The following BRINP1 variants were observed in gnomAD, a reference collection of about 807,000 sequenced individuals.
BRINP1 encodes the protein BMP/retinoic acid-inducible neural-specific protein 1.
BRINP1 carries 17 observed loss-of-function variants against 72.9 expected under a neutral mutation model. The ratio of observed to expected loss-of-function variants is 0.23; its 90% CI spans 0.16 to 0.35. BRINP1 has a LOEUF of 0.35. Among genes scored for constraint, BRINP1 ranks in the 10% least tolerant of loss-of-function variants. BRINP1 has a pLI of 1.00. For synonymous variants in BRINP1, 418 were observed against 378.5 expected (o/e 1.10, Z -1.21); for missense variants, 850 against 1,001.6 (o/e 0.85, Z 2.04).
intron 2 of BRINP1, among the ~76,000 whole-genome samples, chr9:119,274,632 A>C (rs1830637202): frequency 6.6e-6 from 1 of 152,190 alleles, no homozygotes; most frequent in Admixed American, 6.5e-5. Flanking sequence ...TATTTGTAGA[A>C]TGGAAATGAT....
At chr9:119,177,169 A>T (rs1404002440) in intron 7 of BRINP1, among the ~76,000 whole-genome samples, 4 of 152,196 alleles carry the variant, frequency 2.6e-5, no homozygotes, top group Non-Finnish European at 5.9e-5. Context: ...GTTTTCATTT[A>T]AAAAAGGAAA....
At chr9:119,288,044 T>C (rs1442730270) in intron 2 of BRINP1, among the ~76,000 whole-genome samples, 1 of 152,154 alleles carries the variant, frequency 6.6e-6, no homozygotes, top group Non-Finnish European at 1.5e-5. Flanking sequence ...TTTTAAAAAC[T>C]TTTTGTGGGT....
chr9:119,311,723 C>A (rs1046201079), intron 2 of BRINP1, among the ~76,000 whole-genome samples: 2 of 152,264 alleles, frequency 1.3e-5, no homozygotes, highest in Admixed American at 6.5e-5. Flanking sequence ...TCATTGGCAA[C>A]CTTTTACTTC....
chr9:119,274,123 T>A (rs778332793), intron 2 of BRINP1, among the ~76,000 whole-genome samples: 2 of 152,218 alleles, frequency 1.3e-5, no homozygotes, highest in Non-Finnish European at 2.9e-5. Flanking sequence ...TCGATCCTAT[T>A]TTGTTTATTC....
chr9:119,298,923 T>A lies in BRINP1; in HGVS notation c.218+14215A>T, dbSNP rs1030154708. ...TTACTTTGAGCCAATACTTTTTTTT[T>A]AAAGGTAAGTATTTATTTTAACTGA... On this transcript the variant is annotated intron_variant, in intron 2 of 7. Coordinates refer to ENST00000265922, the MANE Select transcript of BRINP1 (RefSeq NM_014618.3). Among the ~76,000 whole-genome samples the A allele has an allele frequency of 2.6e-5, 4 of 152,166 alleles. No homozygotes were observed. The South Asian group carries it at 8.3e-4, about 32-fold the overall frequency.
chr9:119,263,174 G>A (rs1209859615), intron 2 of BRINP1, among the ~76,000 whole-genome samples: 2 of 152,130 alleles, frequency 1.3e-5, no homozygotes, highest in African/African-American at 2.4e-5. Flanking sequence ...TCAGCCACCC[G>A]CATCACAATT....
chr9:119,177,226 TACCATCCACCCAC>T (rs1035754898), intron 7 of BRINP1, among the ~76,000 whole-genome samples: 1 of 152,184 alleles, frequency 6.6e-6, no homozygotes, highest in African/African-American at 2.4e-5. Context: ...TCGTTTTCCG[TACCATCCACCCAC>T]ACAGCTCCAG....
At chr9:119,290,165 T>C (rs931751786) in intron 2 of BRINP1, among the ~76,000 whole-genome samples, 1 of 152,222 alleles carries the variant, frequency 6.6e-6, no homozygotes, top group South Asian at 2.1e-4. Context: ...GAGTTTATTC[T>C]TGAAAAACTG....
chr9:119,280,480 G>C (rs927088581), intron 2 of BRINP1, among the ~76,000 whole-genome samples: 2 of 151,168 alleles, frequency 1.3e-5, no homozygotes, highest in Non-Finnish European at 2.9e-5. Context: ...TCCTGACCTC[G>C]TGATCCGCCT....
intron 1 of BRINP1, among the ~76,000 whole-genome samples, chr9:119,328,510 T>C (rs1294672045): frequency 6.6e-6 from 1 of 152,132 alleles, no homozygotes. Context: ...AGACCTAGAA[T>C]TAAATAATAG....
intron 1 of BRINP1, among the ~76,000 whole-genome samples, chr9:119,361,083 C>T (rs1831624283): frequency 6.6e-6 from 1 of 152,094 alleles, no homozygotes; most frequent in Non-Finnish European, 1.5e-5. Context: ...TGTGTCCTCA[C>T]CAGGCTCTCC....
At chr9:119,215,990 G>C (rs1388186028) in intron 5 of BRINP1, among the ~76,000 whole-genome samples, 1 of 152,172 alleles carries the variant, frequency 6.6e-6, no homozygotes, top group Non-Finnish European at 1.5e-5. Flanking sequence ...TTATTGAGAG[G>C]ACTACATGAA....
At chr9:119,291,122 CAAAAAAAAA>C (rs66505860) in intron 2 of BRINP1, among the ~76,000 whole-genome samples, 1 of 121,114 alleles carries the variant, frequency 8.3e-6, no homozygotes, top group South Asian at 2.8e-4. Flanking sequence ...AACTCCATCT[CAAAAAAAAA>C]AAAAAAAAAT....
At chr9:119,300,365 T>C (rs148575582) in intron 2 of BRINP1, among the ~76,000 whole-genome samples, 2,755 of 152,220 alleles carry the variant, frequency 0.018, 43 homozygotes, top group Non-Finnish European at 0.029. Flanking sequence ...ATAACAAAAA[T>C]AGTATAACTA....
intron 2 of BRINP1, among the ~76,000 whole-genome samples, chr9:119,257,902 C>T (rs13292127): frequency 0.046 from 7,075 of 152,216 alleles, 238 homozygotes; most frequent in Non-Finnish European, 0.069. Flanking sequence ...CATAACACAA[C>T]TGGCAAGGCA....
chr9:119,341,301 C>G (rs114794907), intron 1 of BRINP1, among the ~76,000 whole-genome samples: 1 of 152,316 alleles, frequency 6.6e-6, no homozygotes, highest in African/African-American at 2.4e-5. Flanking sequence ...CTTTAACCCA[C>G]ATAATGAGAA....
rs59715609 is a variant in BRINP1 at position 119,294,853 on chromosome 9, T to TAAAAAAAA, written c.218+18277_218+18284dup. Among the ~76,000 whole-genome samples the TAAAAAAAA allele has an allele frequency of 3.0e-3, 380 of 127,928 alleles. 9 individuals carry two copies. The highest frequency in any genetic ancestry group is 7.1e-3 in the East Asian group (31 of 4,388). 83.9% of individuals were successfully genotyped at this position (127,928 alleles called of 152,430 possible). A position where few individuals can be genotyped will look rare whatever the true frequency, so the allele number is the denominator to read the frequency against. Reference sequence around the variant, plus strand: ...CCTGAGCAACAGAGTGACACTACGTTAAAAAAAAAAAAAAAAAAGACACAC... The same window carrying TAAAAAAAA: ...CCTGAGCAACAGAGTGACACTACGTTAAAAAAAAAAAAAAAAAAAAAAAAAAGACACAC... On this transcript the variant is annotated intron_variant, in intron 2 of 7. Transcript: ENST00000265922.
intron 2 of BRINP1, among the ~76,000 whole-genome samples, chr9:119,250,651 A>T (rs1169737723): frequency 6.6e-6 from 1 of 152,234 alleles, no homozygotes; most frequent in Non-Finnish European, 1.5e-5. Context: ...TTAAAAGTTC[A>T]CATACAGTAA....
intron 7 of BRINP1, among the ~76,000 whole-genome samples, chr9:119,177,688 C>G (rs944235785): frequency 2.0e-5 from 3 of 152,158 alleles, no homozygotes; most frequent in Non-Finnish European, 2.9e-5. Flanking sequence ...TGGCTGAACT[C>G]TCAGAATCCT....
Sources: gnomAD v4.1 joint callset for allele counts (sites outside exome capture counted in the v4.1 genomes callset) on GRCh38, gnomAD v4.1.1 for gene constraint, MANE v1.5 for transcripts, NCBI Gene and HGNC (gene_info 2026-07-23, HGNC 2026-07-21) for gene names.